Variants in SOS1 observed in about 807,000 individuals in gnomAD.
The protein encoded by SOS1 is son of sevenless homolog 1.
In SOS1, 25 loss-of-function variants were observed where a neutral mutation model predicts 157.6. The ratio of observed to expected loss-of-function variants is 0.16; its 90% CI spans 0.12 to 0.22. The LOEUF is 0.22. SOS1 is among the 10% of genes least tolerant of loss of function. The pLI, the probability that SOS1 is intolerant of heterozygous loss-of-function variation, is 1.00. For missense variants in SOS1, 1,237 were observed against 1,599.1 expected, an observed-to-expected ratio of 0.77 and a Z score of 3.86; for synonymous variants, 528 against 534.0, an observed-to-expected ratio of 0.99 and a Z score of 0.16.
At chr2:39,112,108 A>G (rs918815992) in intron 1 of SOS1, among the ~76,000 whole-genome samples, 1 of 151,992 alleles carries the variant, frequency 6.6e-6, no homozygotes, top group Non-Finnish European at 1.5e-5. Context: ...ATGGAGCCCT[A>G]ATTTTTCTTC....
chr2:39,065,909 T>C (rs1231894183), intron 2 of SOS1, among the ~76,000 whole-genome samples: 1 of 152,216 alleles, frequency 6.6e-6, no homozygotes, highest in East Asian at 1.9e-4. Flanking sequence ...ACCATCTTGA[T>C]GGGATTATTA....
chr2:39,045,253 A>AGAGG (rs1670730790), intron 6 of SOS1, among the ~76,000 whole-genome samples: 1 of 121,050 alleles, frequency 8.3e-6, no homozygotes, highest in African/African-American at 3.0e-5. Context: ...GGAGAGAGAG[A>AGAGG]GAGAGAGAGA....
intron 8 of SOS1, among the ~76,000 whole-genome samples, chr2:39,024,341 T>A (rs976029563): frequency 6.6e-6 from 1 of 152,152 alleles, no homozygotes; most frequent in Non-Finnish European, 1.5e-5. Flanking sequence ...AGACCAAGAT[T>A]AGCAGTGTTA....
intron 15 of SOS1, among the ~76,000 whole-genome samples, chr2:39,010,341 G>T (rs965102450): frequency 8.5e-4 from 128 of 150,414 alleles, no homozygotes; most frequent in Non-Finnish European, 5.6e-4. Context: ...GAAAAAGAAA[G>T]AAAGAAAATT....
chr2:39,085,915 CATA>C (rs1387912941), intron 1 of SOS1, among the ~76,000 whole-genome samples: 2 of 152,124 alleles, frequency 1.3e-5, no homozygotes, highest in African/African-American at 2.4e-5. Flanking sequence ...TTTATTTAAA[CATA>C]ATAATAAACA....
At chr2:39,026,270 G>A (rs1005171018) in intron 8 of SOS1, among the ~76,000 whole-genome samples, 4 of 150,846 alleles carry the variant, frequency 2.7e-5, no homozygotes, top group African/African-American at 4.9e-5. Flanking sequence ...CAGAAGAATC[G>A]CCTGAACTCA....
chr2:38,995,454 G>A, intron 19 of SOS1, 67 bp from the exon 20 acceptor site: 1 of 1,280,018 alleles, frequency 7.8e-7, no homozygotes, highest in Non-Finnish European at 1.1e-6. Flanking sequence ...TTTTCTATAT[G>A]TGCCTGGTAA....
At chr2:39,108,696 C>T (rs1673301356) in intron 1 of SOS1, among the ~76,000 whole-genome samples, 2 of 152,054 alleles carry the variant, frequency 1.3e-5, no homozygotes, top group South Asian at 4.1e-4. Flanking sequence ...TGAAACCAGC[C>T]TGAGTAACAC....
intron 2 of SOS1, among the ~76,000 whole-genome samples, chr2:39,066,233 T>C (rs1012449644): frequency 1.1e-4 from 17 of 152,156 alleles, no homozygotes; most frequent in Non-Finnish European, 2.2e-4. Flanking sequence ...AGCACTGCCA[T>C]TACCAGTTTT....
At chr2:39,091,199 G>A (rs542587536) in intron 1 of SOS1, among the ~76,000 whole-genome samples, 1 of 152,224 alleles carries the variant, frequency 6.6e-6, no homozygotes, top group South Asian at 2.1e-4. Flanking sequence ...AACCTCTCAG[G>A]TGGGACCAAC....
intron 17 of SOS1, among the ~76,000 whole-genome samples, chr2:38,999,950 A>G (rs1669038697): frequency 6.6e-6 from 1 of 152,200 alleles, no homozygotes; most frequent in Non-Finnish European, 1.5e-5. Context: ...GAAGGAGTTA[A>G]GACCAGTAAC....
rs1299292495 is a variant in SOS1, at chr2:38,983,445, CTG to C, written c.*2377_*2378del. On this transcript the variant is annotated 3_prime_UTR_variant, in exon 23 of 23. Transcript: ENST00000402219. ...TCCTCCATCCACAATGCATGTAAAACTGTTGCACAGTGAAGTGGTCTCCTAGA... is the reference window on the plus strand; with the variant it reads ...TCCTCCATCCACAATGCATGTAAAACTTGCACAGTGAAGTGGTCTCCTAGA... 1 of 152,146 alleles carries C rather than the reference CTG, an allele frequency of 6.6e-6. No homozygotes were observed. Among genetic ancestry groups the C allele is most frequent in the African/African-American group, 2.4e-5 (1 of 41,464 alleles). The allele number at this position is 152,146 out of a possible 1,614,324, so 9.4% of individuals were successfully genotyped here.
At chr2:39,118,962 C>G (rs1016043606) in intron 1 of SOS1, among the ~76,000 whole-genome samples, 8 of 152,204 alleles carry the variant, frequency 5.3e-5, no homozygotes, top group Non-Finnish European at 1.0e-4. Context: ...GCTTTTGCCT[C>G]TAAGCAAAAT....
chr2:39,111,832 C>A lies in SOS1; in HGVS notation c.87+8504G>T, dbSNP rs568050424. On this transcript the variant is annotated intron_variant, in intron 1 of 22. Coordinates refer to ENST00000402219, the MANE Select transcript of SOS1 (RefSeq NM_005633.4). The stretch of plus-strand genomic sequence containing the variant: ...GCAACCTCCACCTCCAGGTTTCAAG[C>A]GATTCTCCTACCTCAGCCTCCCGAA... 5.3e-5 allele frequency among the ~76,000 whole-genome samples: 8 copies of A among 151,698 alleles called. No homozygotes were observed. In the South Asian group the frequency reaches 1.0e-3, roughly 20 times the overall value.
At chr2:39,031,753 G>A (rs1330836945) in intron 8 of SOS1, among the ~76,000 whole-genome samples, 1 of 151,726 alleles carries the variant, frequency 6.6e-6, no homozygotes, top group African/African-American at 2.4e-5. Flanking sequence ...ATAAAATACT[G>A]GTCAATATAT....
intron 1 of SOS1, among the ~76,000 whole-genome samples, chr2:39,085,285 C>T (rs1321274224): frequency 1.3e-5 from 2 of 152,156 alleles, no homozygotes; most frequent in Non-Finnish European, 2.9e-5. Context: ...TGGGCTCAAG[C>T]GATCCTCCTG....
chr2:39,004,332 T>G (rs372598597), intron 17 of SOS1, among the ~76,000 whole-genome samples: 1 of 136,918 alleles, frequency 7.3e-6, no homozygotes, highest in Non-Finnish European at 1.5e-5. Context: ...GGCAGGAGAA[T>G]GGCGTGAACC....
chr2:39,047,669 GT>G (rs1670838694), intron 6 of SOS1, among the ~76,000 whole-genome samples: 2 of 152,112 alleles, frequency 1.3e-5, no homozygotes, highest in Non-Finnish European at 2.9e-5. Context: ...GAGTTATTTT[GT>G]TTTTGGGTTG....
intron 1 of SOS1, among the ~76,000 whole-genome samples, chr2:39,102,004 G>A (rs994118401): frequency 2.7e-5 from 4 of 149,462 alleles, no homozygotes; most frequent in Admixed American, 6.7e-5. Context: ...TCAGGAGTTC[G>A]AGACCAGCCT....
Sources: gnomAD v4.1 joint callset for allele counts (sites outside exome capture counted in the v4.1 genomes callset) on GRCh38, gnomAD v4.1.1 for gene constraint, MANE v1.5 for transcripts, NCBI Gene and HGNC (gene_info 2026-07-23, HGNC 2026-07-21) for gene names.